Variants in MID1 observed in about 807,000 individuals in gnomAD.
MID1 encodes the protein E3 ubiquitin-protein ligase Midline-1.
MID1 carries 7 observed loss-of-function variants against 40.4 expected under a neutral mutation model. That is an observed-to-expected ratio of 0.17 (90% CI 0.10 to 0.33). The LOEUF is 0.33. Among genes scored for constraint, MID1 ranks in the 10% least tolerant of loss-of-function variants. The probability of loss-of-function intolerance (pLI) is 1.00; values close to 1 mark genes in which losing one functional copy is unlikely to be tolerated. For synonymous variants in MID1, 229 were observed against 221.2 expected, an observed-to-expected ratio of 1.04 and a Z score of -0.31; for missense variants, 367 against 558.5, an observed-to-expected ratio of 0.66 and a Z score of 3.46.
intron 1 of MID1, among the ~76,000 whole-genome samples, chrX:10,597,714 G>A (rs887854392): frequency 3.6e-5 from 4 of 112,068 alleles, no homozygotes; most frequent in Non-Finnish European, 7.5e-5. Context: ...TGTAAACACT[G>A]CACTACAGCA....
chrX:10,523,931 G>A (rs187037834), intron 2 of MID1, among the ~76,000 whole-genome samples: 5 of 111,987 alleles, frequency 4.5e-5, no homozygotes, highest in Non-Finnish European at 7.5e-5. Flanking sequence ...TTTAAGGTAT[G>A]CAGGAGGATG....
chrX:10,502,136 C>T (rs971884194), intron 3 of MID1, among the ~76,000 whole-genome samples: 2 of 111,299 alleles, frequency 1.8e-5, no homozygotes, highest in African/African-American at 6.6e-5. Context: ...AGATTTCAGA[C>T]ATGTGTGGGC....
At chrX:10,453,876 T>A (rs892056265) in intron 9 of MID1, among the ~76,000 whole-genome samples, 2 of 112,095 alleles carry the variant, frequency 1.8e-5, no homozygotes, top group Admixed American at 1.9e-4. Context: ...AGTCACCTCA[T>A]CAGTAAAGTG....
At chrX:10,752,991 C>T (rs1381959874) in intron 1 of MID1, among the ~76,000 whole-genome samples, 1 of 111,940 alleles carries the variant, frequency 8.9e-6, no homozygotes, top group African/African-American at 3.3e-5. Flanking sequence ...AGGCAGGGTG[C>T]CTGCTGAATC....
At chrX:10,791,248 A>T (rs2043928367) in intron 1 of MID1, among the ~76,000 whole-genome samples, 1 of 112,095 alleles carries the variant, frequency 8.9e-6, no homozygotes, top group Non-Finnish European at 1.9e-5. Context: ...TCTTTCCTCA[A>T]AGGCTCAAAG....
At position 10,527,689 on chromosome X, in the gene MID1, C is replaced by T. The variant is rs1932859026; in HGVS notation, c.661-4502G>A. On this transcript the variant is annotated intron_variant, in intron 2 of 9. Transcript: ENST00000317552. Reference sequence around the variant, plus strand: ...AAGAAGAAGCTGATGTTCCTAGGAGCAGCCCTCAAGTGGCAATTACTGGCA... The same window carrying T: ...AAGAAGAAGCTGATGTTCCTAGGAGTAGCCCTCAAGTGGCAATTACTGGCA... Among the ~76,000 whole-genome samples the T allele has an allele frequency of 2.7e-5, 3 of 111,227 alleles. No individual in the cohort carries two copies. The South Asian group carries it at 1.2e-3, about 43-fold the overall frequency.
chrX:10,500,641 T>G (rs1163310864), intron 3 of MID1, among the ~76,000 whole-genome samples: 1 of 112,345 alleles, frequency 8.9e-6, no homozygotes, highest in Non-Finnish European at 1.9e-5. Context: ...TAATTTCTAT[T>G]AGTTCAAATA....
intron 3 of MID1, among the ~76,000 whole-genome samples, chrX:10,522,645 T>G (rs1162573642): frequency 4.5e-5 from 5 of 111,596 alleles, no homozygotes; most frequent in Admixed American, 9.4e-5. Context: ...TACAGGTGCA[T>G]GCCACCACGC....
chrX:10,463,416 A>G (rs777838401), intron 7 of MID1, among the ~76,000 whole-genome samples: 8 of 111,908 alleles, frequency 7.1e-5, no homozygotes, highest in Non-Finnish European at 1.3e-4. Context: ...TTTGAGCATT[A>G]TATCTTCTCA....
At chrX:10,711,437 A>G (rs947013042) in intron 1 of MID1, among the ~76,000 whole-genome samples, 1 of 112,007 alleles carries the variant, frequency 8.9e-6, no homozygotes, top group African/African-American at 3.2e-5. Context: ...TCCAATAATT[A>G]TAAGTTAATA....
intron 1 of MID1, among the ~76,000 whole-genome samples, chrX:10,781,523 A>G (rs2043845702): frequency 8.9e-6 from 1 of 112,255 alleles, no homozygotes; most frequent in South Asian, 3.7e-4. Context: ...TTTCTAGTGC[A>G]TCATATGACA....
chrX:10,809,939 A>G (rs2044084797), intron 1 of MID1, among the ~76,000 whole-genome samples: 1 of 111,142 alleles, frequency 9.0e-6, no homozygotes, highest in South Asian at 3.7e-4. Context: ...TAAAAATAAA[A>G]TAAAATAAAA....
intron 4 of MID1, among the ~76,000 whole-genome samples, chrX:10,490,314 ATTTC>A (rs1289120531): frequency 8.9e-6 from 1 of 111,898 alleles, no homozygotes; most frequent in African/African-American, 3.2e-5. Flanking sequence ...TTTAAATGGA[ATTTC>A]TTTTTTTAAA....
chrX:10,764,835 C>T (rs959674593), intron 1 of MID1, among the ~76,000 whole-genome samples: 14 of 111,852 alleles, frequency 1.3e-4, no homozygotes, highest in African/African-American at 4.6e-4. Flanking sequence ...TGTTGGTGAC[C>T]ATATTGGACA....
At position 10,464,013 on chromosome X, in the gene MID1, C is replaced by CTGA. The variant is rs201933343; in HGVS notation, c.1286-4209_1286-4207dup. On this transcript the variant is annotated intron_variant, in intron 7 of 9. Coordinates refer to ENST00000317552, the MANE Select transcript of MID1 (RefSeq NM_000381.4). ...ATGGGCATCAAGGGAGGAACACATC[C>CTGA]TGATACAAACAACCCGGTGAGAGTA... 6.9e-3 allele frequency among the ~76,000 whole-genome samples: 777 copies of CTGA among 112,327 alleles called. 8 individuals are homozygous for CTGA. Among genetic ancestry groups the CTGA allele is most frequent in the South Asian group, 0.026 (71 of 2,699 alleles).
At chrX:10,517,476 C>A (rs1406502020) in intron 3 of MID1, among the ~76,000 whole-genome samples, 2 of 112,151 alleles carry the variant, frequency 1.8e-5, no homozygotes, top group African/African-American at 3.2e-5. Context: ...TTCTCAATAA[C>A]CAAAAATGTC....
At chrX:10,725,617 A>C (rs1333380465) in intron 1 of MID1, among the ~76,000 whole-genome samples, 3 of 111,830 alleles carry the variant, frequency 2.7e-5, no homozygotes, top group African/African-American at 9.7e-5. Context: ...CCAGCACTTT[A>C]GGAGGCCAAA....
At chrX:10,729,463 C>T (rs1184907511) in intron 1 of MID1, among the ~76,000 whole-genome samples, 1 of 111,739 alleles carries the variant, frequency 8.9e-6, no homozygotes, top group Non-Finnish European at 1.9e-5. Flanking sequence ...ATATATCATT[C>T]TATGACTTTC....
intron 3 of MID1, among the ~76,000 whole-genome samples, chrX:10,513,157 T>G (rs1467485349): frequency 8.9e-6 from 1 of 112,398 alleles, no homozygotes; most frequent in Non-Finnish European, 1.9e-5. Context: ...AGGTAAAAAA[T>G]GATATGTCTG....
Sources: allele counts gnomAD v4.1 joint callset (sites outside exome capture counted in the v4.1 genomes callset), GRCh38; gene constraint gnomAD v4.1.1; transcripts MANE v1.5; gene names NCBI Gene and HGNC (gene_info 2026-07-23, HGNC 2026-07-21).